The following PDSS1 variants were observed in gnomAD, a reference collection of about 807,000 sequenced individuals.
PDSS1 encodes decaprenyl diphosphate synthase subunit 1, also known as all trans-polyprenyl-diphosphate synthase PDSS1.
PDSS1 carries 43 observed loss-of-function variants against 57.5 expected under a neutral mutation model. The observed-to-expected ratio is 0.75, with a 90% CI of 0.59 to 0.96. The LOEUF (loss-of-function observed/expected upper bound fraction) is 0.96. Among genes scored for constraint, PDSS1 ranks in the 50% least tolerant of loss-of-function variants. The pLI is 0.00. For synonymous variants in PDSS1, 175 were observed against 191.3 expected, an observed-to-expected ratio of 0.91 and a Z score of 0.70; for missense variants, 438 against 527.8, an observed-to-expected ratio of 0.83 and a Z score of 1.67.
chr10:26,709,228 A>G (rs184101847), intron 4 of PDSS1, among the ~76,000 whole-genome samples: 2 of 152,124 alleles, frequency 1.3e-5, no homozygotes, highest in Non-Finnish European at 2.9e-5. Flanking sequence ...GAATTTCTCA[A>G]TTGAAATGAA....
intron 5 of PDSS1, among the ~76,000 whole-genome samples, chr10:26,716,890 G>C (rs1307891119): frequency 1.3e-5 from 2 of 152,162 alleles, no homozygotes; most frequent in Non-Finnish European, 2.9e-5. Context: ...CTATTTCACA[G>C]TAGGAAATAG....
intron 1 of PDSS1, among the ~76,000 whole-genome samples, chr10:26,700,479 G>T (rs1835016608): frequency 6.6e-6 from 1 of 152,032 alleles, no homozygotes; most frequent in Non-Finnish European, 1.5e-5. Context: ...ATCTCGAATT[G>T]TAATCCCCAA....
In PDSS1 at chr10:26,746,347, A is replaced by G; in HGVS notation, c.1122A>G (p.Gln374=). The G allele has an allele frequency of 6.2e-7, 1 of 1,614,106 alleles. No homozygotes were observed. The highest frequency in any genetic ancestry group is 8.5e-7 in the Non-Finnish European group (1 of 1,179,962). Residue 374 remains glutamine, a synonymous_variant, in exon 12 of 12, where the codon CAA becomes CAG. Transcript: ENST00000376215. ...GTATCTTATAGAGTGATGGTGTGCA[A>G]CAAACAACCTACCTCGCCCAGCAGT... ...RQYVLQSDGV[Q]QTTYLAQQYC...
intron 1 of PDSS1, among the ~76,000 whole-genome samples, chr10:26,699,048 C>T (rs1290909201): frequency 6.6e-6 from 1 of 152,100 alleles, no homozygotes; most frequent in African/African-American, 2.4e-5. Flanking sequence ...TTGTTCGATC[C>T]CAGGAGTTCA....
intron 10 of PDSS1, among the ~76,000 whole-genome samples, chr10:26,741,644 G>A (rs946357131): frequency 1.3e-5 from 2 of 152,204 alleles, no homozygotes; most frequent in Admixed American, 1.3e-4. Flanking sequence ...GTAGCTTTCA[G>A]TTGGTAATCA....
intron 1 of PDSS1, 22 bp from the exon 2 acceptor site, chr10:26,702,140 T>C (rs1282946529): frequency 3.1e-6 from 1 of 327,060 alleles, no homozygotes; most frequent in Non-Finnish European, 6.1e-6. Flanking sequence ...GGATGTAACG[T>C]AACTTGTTTT....
intron 8 of PDSS1, among the ~76,000 whole-genome samples, chr10:26,734,313 A>G (rs1216966423): frequency 6.6e-6 from 1 of 152,262 alleles, no homozygotes. Context: ...CAGAAAGGCA[A>G]CTGTGCAGTG....
chr10:26,743,895 CAG>C (rs979008298), intron 11 of PDSS1, among the ~76,000 whole-genome samples: 13 of 150,264 alleles, frequency 8.7e-5, no homozygotes, highest in African/African-American at 2.9e-4. Flanking sequence ...ACCAAAATAA[CAG>C]GGGGAAAAAA....
intron 10 of PDSS1, among the ~76,000 whole-genome samples, chr10:26,741,756 T>C (rs962377360): frequency 4.6e-5 from 7 of 152,176 alleles, no homozygotes; most frequent in African/African-American, 1.7e-4. Context: ...ACCTGTTAGA[T>C]GGTGGCATCT....
chr10:26,721,423 T>TACAC (rs1554795596), intron 6 of PDSS1, among the ~76,000 whole-genome samples: 6,391 of 149,306 alleles, frequency 0.043, 381 homozygotes, highest in African/African-American at 0.14. Flanking sequence ...GATATATGTA[T>TACAC]ACACACACAC....
intron 2 of PDSS1, among the ~76,000 whole-genome samples, chr10:26,704,069 G>A (rs1320263892): frequency 3.2e-4 from 7 of 21,634 alleles, no homozygotes; most frequent in Non-Finnish European, 4.1e-4. Context: ...ACGACAGAAC[G>A]AGACTCCGTC....
rs888246480 is a variant in PDSS1, at chr10:26,697,777, G to A, written c.66G>A (p.Gly22=). ...CSWKPAARSP[G]PGSPGRAGPL... ...GGAAGCCGGCGGCGCGGAGCCCCGGGCCCGGCTCCCCCGGCCGTGCGGGAC... is the reference window on the plus strand; with the variant it reads ...GGAAGCCGGCGGCGCGGAGCCCCGGACCCGGCTCCCCCGGCCGTGCGGGAC... Residue 22 remains glycine (G), a synonymous_variant, in exon 1 of 12, where the codon GGG becomes GGA. Coordinates refer to ENST00000376215, the MANE Select transcript of PDSS1 (RefSeq NM_014317.5). The A allele has an allele frequency of 3.9e-6, 5 of 1,297,916 alleles. No individual in the cohort carries two copies. Among genetic ancestry groups the A allele is most frequent in the African/African-American group, 1.5e-5 (1 of 64,682 alleles). 80.4% of individuals were successfully genotyped at this position (1,297,916 alleles called of 1,614,324 possible). A position where few individuals can be genotyped will look rare whatever the true frequency, so the allele number is the denominator to read the frequency against.
intron 1 of PDSS1, 42 bp downstream of exon 1, chr10:26,697,882 C>T (rs1834918650): frequency 4.0e-6 from 5 of 1,258,586 alleles, no homozygotes; most frequent in Non-Finnish European, 4.0e-6. Flanking sequence ...TCAGAGGTCA[C>T]GGCTCCAATG....
At chr10:26,721,229 A>AG (rs1490394585) in intron 6 of PDSS1, among the ~76,000 whole-genome samples, 1 of 150,954 alleles carries the variant, frequency 6.6e-6, no homozygotes, top group African/African-American at 2.4e-5. Context: ...AACCTGGGAG[A>AG]GGGAGGTTGC....
Position 26,746,519 on chromosome 10 carries a change from T to TAAAG in PDSS1, c.*49_*52dup. ...GGCAGCTATCTTACCAGACTGTGCCTAAAGAATTTTGTGGAATACACTTTG... is the reference window on the plus strand; with the variant it reads ...GGCAGCTATCTTACCAGACTGTGCCTAAAGAAAGAATTTTGTGGAATACACTTTG... On this transcript the variant is annotated 3_prime_UTR_variant, in exon 12 of 12. Coordinates refer to ENST00000376215, the MANE Select transcript of PDSS1 (RefSeq NM_014317.5). 6.2e-7 allele frequency: 1 copy of TAAAG among 1,603,634 alleles called. No individual in the cohort carries two copies. The highest frequency in any genetic ancestry group is 1.1e-5 in the South Asian group (1 of 90,784).
At chr10:26,727,694 T>C (rs1323398334) in intron 8 of PDSS1, among the ~76,000 whole-genome samples, 1 of 151,816 alleles carries the variant, frequency 6.6e-6, no homozygotes, top group Admixed American at 6.6e-5. Context: ...TATTCATATC[T>C]ATCTATAGGC....
rs564288364 is a variant in PDSS1 at position 26,735,651 on chromosome 10, A to T, written c.1026+72A>T. 7 of 855,256 alleles carry T rather than the reference A, an allele frequency of 8.2e-6. No homozygotes were observed. The African/African-American group carries it at 9.9e-5, about 12-fold the overall frequency. The allele number at this position is 855,256 out of a possible 1,614,324, so 53.0% of individuals were successfully genotyped here. ...GAACTGATGTCCCGCGGCACAGCTG[A>T]TGGGAAGATTGCATAAAGGAATAGA... On this transcript the variant is annotated intron_variant, in intron 10 of 11. Coordinates refer to ENST00000376215, the MANE Select transcript of PDSS1 (RefSeq NM_014317.5).
At chr10:26,710,399 C>T (rs1303998553) in intron 5 of PDSS1, among the ~76,000 whole-genome samples, 1 of 92,550 alleles carries the variant, frequency 1.1e-5, no homozygotes, top group Non-Finnish European at 2.5e-5. Flanking sequence ...GCGCCTGCCA[C>T]TGTGCCCCGC....
At position 26,733,758 on chromosome 10, in the gene PDSS1, G is replaced by A. The variant is rs569492463; in HGVS notation, c.832-1482G>A. Among the ~76,000 whole-genome samples, 41 of 152,180 alleles carry A rather than the reference G, an allele frequency of 2.7e-4. 1 individual carries two copies. In the Middle Eastern group the frequency reaches 0.024, roughly 88 times the overall value. ...TGGGAGGTGGAGGTGGGAGGATCAC[G>A]AGCCCAGGAGTTTGAGGCCAGCCTA... On this transcript the variant is annotated intron_variant, in intron 8 of 11. Transcript: ENST00000376215.
Sources: gnomAD v4.1 joint callset for allele counts (sites outside exome capture counted in the v4.1 genomes callset) on GRCh38, gnomAD v4.1.1 for gene constraint, MANE v1.5 for transcripts, NCBI Gene and HGNC (gene_info 2026-07-23, HGNC 2026-07-21) for gene names.